Variants in SLC20A2 observed in about 807,000 individuals in gnomAD.
SLC20A2 encodes the protein solute carrier family 20 member 2.
In SLC20A2, 30 loss-of-function variants were observed where a neutral mutation model predicts 61.0. That is an observed-to-expected ratio of 0.49 (90% CI 0.37 to 0.67). SLC20A2 has a LOEUF of 0.67. Ranked by LOEUF, SLC20A2 falls within the 30% of genes least tolerant of loss-of-function variation. The pLI, the probability that SLC20A2 is intolerant of heterozygous loss-of-function variation, is 0.00. For synonymous variants in SLC20A2, 351 were observed against 353.3 expected (o/e 0.99, Z 0.07); for missense variants, 626 against 866.4 (o/e 0.72, Z 3.48).
chr8:42,493,378 T>C (rs780049416), intron 1 of SLC20A2, among the ~76,000 whole-genome samples: 9 of 151,222 alleles, frequency 6.0e-5, no homozygotes, highest in Non-Finnish European at 1.3e-4. Flanking sequence ...TACACCGTGA[T>C]ACTACACAGA....
intron 6 of SLC20A2, among the ~76,000 whole-genome samples, chr8:42,441,143 T>TC (rs35082854): frequency 8.5e-6 from 1 of 117,022 alleles, no homozygotes; most frequent in Admixed American, 7.9e-5. Flanking sequence ...TATTTTGCTC[T>TC]TTTTTTTTTT....
intron 1 of SLC20A2, among the ~76,000 whole-genome samples, chr8:42,485,278 C>T (rs777158366): frequency 6.6e-6 from 1 of 152,076 alleles, no homozygotes; most frequent in Admixed American, 6.6e-5. Context: ...AAATAAAAGA[C>T]CCAGAAAGCA....
chr8:42,459,235 CAA>C (rs756966778), intron 5 of SLC20A2, among the ~76,000 whole-genome samples: 3,228 of 35,524 alleles, frequency 0.091, 34 homozygotes, highest in African/African-American at 0.2. Context: ...GACTCTATCT[CAA>C]AAAAAAAAAA....
At chr8:42,426,549 A>C (rs1803425141) in intron 10 of SLC20A2, among the ~76,000 whole-genome samples, 1 of 152,150 alleles carries the variant, frequency 6.6e-6, no homozygotes, top group East Asian at 1.9e-4. Flanking sequence ...TACAAAAATT[A>C]GCTGGGTGTG....
At chr8:42,443,320 T>C (rs1338152299) in intron 6 of SLC20A2, among the ~76,000 whole-genome samples, 4 of 139,056 alleles carry the variant, frequency 2.9e-5, no homozygotes, top group Admixed American at 2.8e-4. Context: ...ATAAAATGTA[T>C]ACTTTTTTTT....
intron 1 of SLC20A2, among the ~76,000 whole-genome samples, chr8:42,491,419 C>T (rs1017713356): frequency 2.6e-5 from 4 of 151,908 alleles, no homozygotes; most frequent in East Asian, 3.9e-4. Context: ...GCAGGAGAAT[C>T]GCTTAAACCA....
At chr8:42,511,383 C>T (rs992329005) in intron 1 of SLC20A2, among the ~76,000 whole-genome samples, 2 of 152,158 alleles carry the variant, frequency 1.3e-5, no homozygotes, top group African/African-American at 4.8e-5. Context: ...GATCCCAGCA[C>T]TTTGGGAGGC....
rs1172912231 is a variant in SLC20A2 at position 42,501,188 on chromosome 8, C to G, written c.-422G>C. 1 of 152,136 alleles carries G rather than the reference C, an allele frequency of 6.6e-6. No individual in the cohort carries two copies. The highest frequency in any genetic ancestry group is 2.4e-5 in the African/African-American group (1 of 41,428). 9.4% of individuals were successfully genotyped at this position (152,136 alleles called of 1,614,324 possible). On this transcript the variant is annotated 5_prime_UTR_variant, in exon 1 of 11. Transcript: ENST00000520262. Reference sequence around the variant, plus strand: ...ACTTTTACAACTCATAGAACTAACCCCGGCTAAAATTAACTGCAGCCAAGC... The same window carrying G: ...ACTTTTACAACTCATAGAACTAACCGCGGCTAAAATTAACTGCAGCCAAGC...
intron 5 of SLC20A2, among the ~76,000 whole-genome samples, chr8:42,455,413 C>T (rs1806121099): frequency 6.6e-6 from 1 of 151,740 alleles, no homozygotes; most frequent in Non-Finnish European, 1.5e-5. Flanking sequence ...GTAATCCCAG[C>T]ACTTTGGGAG....
In SLC20A2 at chr8:42,437,610, G is replaced by GTT; in HGVS notation, c.935-34_935-33insAA. The GTT allele has an allele frequency of 7.2e-7, 1 of 1,384,924 alleles. No individual in the cohort carries two copies. The allele number at this position is 1,384,924 out of a possible 1,614,324, so 85.8% of individuals were successfully genotyped here. On this transcript the variant is annotated intron_variant, in intron 7 of 10. Coordinates refer to ENST00000520262, the MANE Select transcript of SLC20A2 (RefSeq NM_001257180.2). The surrounding 1 kb of genome is among the most constrained non-coding windows in gnomAD (Gnocchi z 6.4). ...GGGTTAGAGAAGGTCTCATTTTCCA[G>GTT]TCTTTTTTTTTTTTTTCTTTTCTTT...
At chr8:42,527,773 A>T (rs1314640202) in intron 1 of SLC20A2, among the ~76,000 whole-genome samples, 1 of 152,168 alleles carries the variant, frequency 6.6e-6, no homozygotes, top group Non-Finnish European at 1.5e-5. Flanking sequence ...CGTCTCAAAA[A>T]AAATAAATAA....
At chr8:42,487,976 A>G (rs1314901732) in intron 1 of SLC20A2, among the ~76,000 whole-genome samples, 2 of 152,114 alleles carry the variant, frequency 1.3e-5, no homozygotes, top group East Asian at 3.9e-4. Context: ...TAAGGAGCTC[A>G]GGGGAGTGGA....
At chr8:42,540,959 A>G (rs933854497) in intron 1 of SLC20A2, 8 of 152,308 alleles carry the variant, frequency 5.3e-5, no homozygotes, top group Non-Finnish European at 1.0e-4. Flanking sequence ...TTTTGAAAAC[A>G]CTACGGTGTC....
intron 5 of SLC20A2, among the ~76,000 whole-genome samples, chr8:42,455,241 A>AAAAAT (rs1416804518): frequency 1.9e-5 from 2 of 102,592 alleles, no homozygotes; most frequent in African/African-American, 9.9e-5. Context: ...AAAAAAAAAA[A>AAAAAT]ATATATATAT....
chr8:42,455,287 GAGA>G, intron 5 of SLC20A2, among the ~76,000 whole-genome samples: 2 of 145,230 alleles, frequency 1.4e-5, no homozygotes, highest in Non-Finnish European at 3.0e-5. Flanking sequence ...GAGAGAGAGA[GAGA>G]GAGCGTGCGC....
chr8:42,509,045 G>A (rs1036915427), intron 1 of SLC20A2, among the ~76,000 whole-genome samples: 3 of 152,126 alleles, frequency 2.0e-5, no homozygotes, highest in African/African-American at 7.2e-5. Flanking sequence ...CATGCCTCAC[G>A]GGGTTATTAT....
At chr8:42,432,915 G>C (rs1803976038) in intron 8 of SLC20A2, among the ~76,000 whole-genome samples, 2 of 152,174 alleles carry the variant, frequency 1.3e-5, no homozygotes, top group Admixed American at 1.3e-4. Context: ...AAAACTTCAT[G>C]GGTATTGTGA....
intron 1 of SLC20A2, among the ~76,000 whole-genome samples, chr8:42,477,746 C>T (rs2131258869): frequency 6.6e-6 from 1 of 151,970 alleles, no homozygotes; most frequent in East Asian, 1.9e-4. Flanking sequence ...GCTGCAATTA[C>T]AGGCATGAGC....
intron 1 of SLC20A2, among the ~76,000 whole-genome samples, chr8:42,532,679 C>T (rs551344738): frequency 1.1e-4 from 17 of 152,188 alleles, no homozygotes; most frequent in African/African-American, 3.9e-4. Flanking sequence ...GGACCAAGTG[C>T]ACAAGGACTA....
Sources: gnomAD v4.1 joint callset for allele counts (sites outside exome capture counted in the v4.1 genomes callset) on GRCh38, gnomAD v4.1.1 for gene constraint, Gnocchi (gnomAD v3.1) non-coding constraint, MANE v1.5 for transcripts, NCBI Gene and HGNC (gene_info 2026-07-23, HGNC 2026-07-21) for gene names.